Variants in DPYD observed in about 807,000 individuals in gnomAD.
DPYD encodes dihydropyrimidine dehydrogenase [NADP(+)].
A neutral mutation model predicts 116.2 loss-of-function variants in DPYD; 109 were observed. That is an observed-to-expected ratio of 0.94 (90% CI 0.80 to 1.10). The LOEUF is 1.10. Among genes scored for constraint, DPYD ranks in the 50% least tolerant of loss-of-function variants. The pLI, the probability that DPYD is intolerant of heterozygous loss-of-function variation, is 0.00. For missense variants in DPYD, 1,302 were observed against 1,254.5 expected (o/e 1.04, Z -0.57); for synonymous variants, 440 against 432.0 (o/e 1.02, Z -0.23).
At chr1:97,144,215 T>C (rs943378971) in intron 20 of DPYD, among the ~76,000 whole-genome samples, 7 of 152,224 alleles carry the variant, frequency 4.6e-5, no homozygotes, top group African/African-American at 1.7e-4. Flanking sequence ...GGCAAATGCC[T>C]TTCTTTCAGC....
intron 14 of DPYD, among the ~76,000 whole-genome samples, chr1:97,439,106 T>C (rs1484475197): frequency 6.6e-6 from 1 of 152,112 alleles, no homozygotes; most frequent in Non-Finnish European, 1.5e-5. Flanking sequence ...TTTAATTTCT[T>C]CAAATTTTTT....
intron 1 of DPYD, among the ~76,000 whole-genome samples, chr1:97,900,456 G>T (rs779167704): frequency 2.0e-5 from 3 of 151,848 alleles, no homozygotes; most frequent in Non-Finnish European, 4.4e-5. Context: ...AAACCAGGGT[G>T]CATGGAAACT....
chr1:97,323,058 A>T (rs1002329836), intron 16 of DPYD: 2 of 151,030 alleles, frequency 1.3e-5, no homozygotes, highest in Non-Finnish European at 3.0e-5. Context: ...TTTTTTTCAA[A>T]ATTGAGTTGA....
chr1:97,891,250 A>C (rs1429563101), intron 1 of DPYD, among the ~76,000 whole-genome samples: 1 of 151,944 alleles, frequency 6.6e-6, no homozygotes, highest in Non-Finnish European at 1.5e-5. Flanking sequence ...AACAGGTCAC[A>C]GAGTCCCCTC....
chr1:97,287,715 G>A (rs1029282417), intron 18 of DPYD, among the ~76,000 whole-genome samples: 4 of 152,238 alleles, frequency 2.6e-5, no homozygotes, highest in East Asian at 1.9e-4. Flanking sequence ...GAATCTGTGG[G>A]TGTAGGACCC....
intron 20 of DPYD, among the ~76,000 whole-genome samples, chr1:97,100,056 A>G (rs960079877): frequency 6.6e-6 from 1 of 152,082 alleles, no homozygotes; most frequent in African/African-American, 2.4e-5. Context: ...TCATCTCTAC[A>G]CCTTAATGCT....
At chr1:97,865,075 G>A (rs902362280) in intron 2 of DPYD, among the ~76,000 whole-genome samples, 2 of 151,840 alleles carry the variant, frequency 1.3e-5, no homozygotes, top group Admixed American at 6.6e-5. Context: ...AATGTCTACT[G>A]CCTTGTATGT....
intron 3 of DPYD, among the ~76,000 whole-genome samples, chr1:97,763,759 T>C (rs542333075): frequency 6.6e-6 from 1 of 152,196 alleles, no homozygotes; most frequent in South Asian, 2.1e-4. Flanking sequence ...TTTTGATTTA[T>C]GTTAGGGTAT....
intron 4 of DPYD, among the ~76,000 whole-genome samples, chr1:97,732,516 A>G (rs1663686248): frequency 6.6e-6 from 1 of 151,540 alleles, no homozygotes. Flanking sequence ...TTGTGAAGTT[A>G]TATATATATC....
intron 11 of DPYD, 50 bp from the exon 12 acceptor site, chr1:97,549,794 T>C (rs1219766617): frequency 6.8e-7 from 1 of 1,473,684 alleles, no homozygotes; most frequent in Non-Finnish European, 9.4e-7. Context: ...AACAGACAAT[T>C]CCATAACAAT....
chr1:97,713,387 G>T (rs1232317264), intron 5 of DPYD, among the ~76,000 whole-genome samples: 1 of 151,980 alleles, frequency 6.6e-6, no homozygotes, highest in Non-Finnish European at 1.5e-5. Context: ...CAAAGTTATT[G>T]CCCCCAAATC....
At chr1:97,398,605 C>T (rs913804349) in intron 14 of DPYD, among the ~76,000 whole-genome samples, 5 of 152,138 alleles carry the variant, frequency 3.3e-5, no homozygotes, top group Non-Finnish European at 7.4e-5. Context: ...TCTCCAGCAC[C>T]TGTTGTTTCC....
At chr1:97,379,527 G>A (rs938097930) in intron 15 of DPYD, among the ~76,000 whole-genome samples, 4 of 152,124 alleles carry the variant, frequency 2.6e-5, no homozygotes, top group Admixed American at 6.5e-5. Context: ...TATAGTAACT[G>A]TCCGCTCTCA....
At chr1:97,708,669 A>C (rs1264156474) in intron 5 of DPYD, among the ~76,000 whole-genome samples, 1 of 152,054 alleles carries the variant, frequency 6.6e-6, no homozygotes, top group African/African-American at 2.4e-5. Flanking sequence ...CAATATCTAT[A>C]AAATAGTTTC....
chr1:97,464,442 C>T (rs79206631), intron 13 of DPYD, among the ~76,000 whole-genome samples: 1,993 of 152,236 alleles, frequency 0.013, 16 homozygotes, highest in Middle Eastern at 0.031. Context: ...ATGTCAGAGA[C>T]CTATGTGGCA....
intron 20 of DPYD, among the ~76,000 whole-genome samples, chr1:97,182,260 G>T (rs11165802): frequency 0.058 from 8,856 of 152,060 alleles, 794 homozygotes; most frequent in African/African-American, 0.19. Flanking sequence ...ATTTTTACAG[G>T]ATACTTGACA....
intron 12 of DPYD, among the ~76,000 whole-genome samples, chr1:97,532,575 A>G (rs1170649709): frequency 6.6e-6 from 1 of 151,846 alleles, no homozygotes; most frequent in East Asian, 1.9e-4. Context: ...TGGTCTTTTC[A>G]GGTTTTCTAT....
At chr1:97,240,889 A>G (rs72726651) in intron 18 of DPYD, among the ~76,000 whole-genome samples, 18,887 of 151,964 alleles carry the variant, frequency 0.12, 1,515 homozygotes, top group East Asian at 0.34. Flanking sequence ...TTTAAAAATA[A>G]CATCTTTACA....
intron 8 of DPYD, among the ~76,000 whole-genome samples, chr1:97,605,210 T>C (rs1655510359): frequency 6.6e-6 from 1 of 152,128 alleles, no homozygotes; most frequent in African/African-American, 2.4e-5. Context: ...GCAACAGTTT[T>C]TAATATCAGA....
Sources: allele counts gnomAD v4.1 joint callset (sites outside exome capture counted in the v4.1 genomes callset), GRCh38; gene constraint gnomAD v4.1.1; transcripts MANE v1.5; gene names NCBI Gene and HGNC (gene_info 2026-07-23, HGNC 2026-07-21).